Variants in COMMD1 observed in about 807,000 individuals in gnomAD.
The protein encoded by COMMD1 is copper metabolism domain containing 1.
In COMMD1, 10 loss-of-function variants were observed where a neutral mutation model predicts 17.2. That is an observed-to-expected ratio of 0.58 (90% confidence interval 0.36 to 0.99). The LOEUF (loss-of-function observed/expected upper bound fraction) is 0.99, where lower values mean the gene tolerates loss of function less well. Ranked by LOEUF, COMMD1 falls within the 50% of genes least tolerant of loss-of-function variation. COMMD1 has a pLI of 0.01. For missense variants in COMMD1, 270 were observed against 231.8 expected (o/e 1.17, Z -1.07); for synonymous variants, 97 against 91.6 (o/e 1.06, Z -0.34).
intron 1 of COMMD1, among the ~76,000 whole-genome samples, chr2:61,960,722 T>C (rs572338683): frequency 6.6e-6 from 1 of 152,346 alleles, no homozygotes; most frequent in East Asian, 1.9e-4. Flanking sequence ...TAGACCCTAA[T>C]TGCTCTGCAA....
At chr2:62,103,135 C>T (rs1347799825) in intron 2 of COMMD1, among the ~76,000 whole-genome samples, 3 of 152,120 alleles carry the variant, frequency 2.0e-5, no homozygotes, top group Non-Finnish European at 4.4e-5. Context: ...CCTGCAACCA[C>T]GCCTGGCTAA....
intron 1 of COMMD1, among the ~76,000 whole-genome samples, chr2:61,984,056 C>T (rs879271321): frequency 2.0e-5 from 3 of 152,206 alleles, no homozygotes; most frequent in Non-Finnish European, 4.4e-5. Flanking sequence ...CAGAGTCTCG[C>T]TCTGTCACCC....
intron 2 of COMMD1, among the ~76,000 whole-genome samples, chr2:62,135,420 G>A (rs1352449165): frequency 6.6e-6 from 1 of 150,838 alleles, no homozygotes; most frequent in African/African-American, 2.4e-5. Flanking sequence ...GCCCGATCTC[G>A]GCTCACTGCA....
intron 1 of COMMD1, among the ~76,000 whole-genome samples, chr2:61,933,299 C>A (rs567285934): frequency 2.0e-5 from 3 of 152,016 alleles, no homozygotes; most frequent in Middle Eastern, 3.4e-3. Flanking sequence ...CCGCTTGTAT[C>A]CCTGATGCTT....
At chr2:62,007,786 A>G (rs1166429304) in intron 2 of COMMD1, among the ~76,000 whole-genome samples, 1 of 152,196 alleles carries the variant, frequency 6.6e-6, no homozygotes, top group Non-Finnish European at 1.5e-5. Flanking sequence ...CATTTCTCAG[A>G]AGGTATCCTC....
intron 1 of COMMD1, among the ~76,000 whole-genome samples, chr2:61,920,425 T>G (rs1670159973): frequency 6.6e-6 from 1 of 152,096 alleles, no homozygotes; most frequent in African/African-American, 2.4e-5. Flanking sequence ...TTTTTTTTTT[T>G]TAAACTTTGT....
intron 1 of COMMD1, among the ~76,000 whole-genome samples, chr2:61,950,429 A>C (rs1671021443): frequency 6.6e-6 from 1 of 152,218 alleles, no homozygotes; most frequent in Non-Finnish European, 1.5e-5. Context: ...AGTGATGAGT[A>C]ATTCACTCAA....
At chr2:62,106,347 T>G (rs1672324114) in intron 2 of COMMD1, among the ~76,000 whole-genome samples, 1 of 152,266 alleles carries the variant, frequency 6.6e-6, no homozygotes, top group Non-Finnish European at 1.5e-5. Flanking sequence ...GTTTTTAACA[T>G]TCTCTGTGTT....
intron 2 of COMMD1, among the ~76,000 whole-genome samples, chr2:62,048,399 A>G (rs971948650): frequency 1.3e-5 from 2 of 151,994 alleles, no homozygotes; most frequent in Admixed American, 6.5e-5. Flanking sequence ...TGTGTTTGTC[A>G]GGATAGTCTT....
upstream of COMMD1, among the ~76,000 whole-genome samples, chr2:61,901,396 G>A (rs1214215802): frequency 6.6e-6 from 1 of 151,928 alleles, no homozygotes; most frequent in Admixed American, 6.6e-5. Context: ...GCCGAGGTGG[G>A]TGGATCACCT....
chr2:62,011,776 C>G (rs1669285570), intron 2 of COMMD1, among the ~76,000 whole-genome samples: 1 of 152,028 alleles, frequency 6.6e-6, no homozygotes, highest in Non-Finnish European at 1.5e-5. Flanking sequence ...GATGGAATGG[C>G]TATCTTTACC....
intron 2 of COMMD1, among the ~76,000 whole-genome samples, chr2:62,124,603 G>C (rs1047866365): frequency 6.6e-6 from 1 of 152,076 alleles, no homozygotes; most frequent in Non-Finnish European, 1.5e-5. Flanking sequence ...AGCCTGGAGT[G>C]TAGTGGTACC....
chr2:61,906,634 G>C (rs79712358), intron 1 of COMMD1, among the ~76,000 whole-genome samples: 1 of 151,478 alleles, frequency 6.6e-6, no homozygotes, highest in Non-Finnish European at 1.5e-5. Flanking sequence ...TTATAGGAAT[G>C]TAGTGTCAAT....
chr2:61,983,764 T>C lies in COMMD1; in HGVS notation c.181-16937T>C, dbSNP rs549870319. On this transcript the variant is annotated intron_variant, in intron 1 of 2. Transcript: ENST00000311832. ...TTGGCTAAAGGCTTGTCAATTTTGT[T>C]TATCTTTTCAAAAAACCAACTGCAT... Among the ~76,000 whole-genome samples, 2 of 152,256 alleles carry C rather than the reference T, an allele frequency of 1.3e-5. 1 individual carries two copies. The highest frequency in any genetic ancestry group is 4.1e-4 in the South Asian group (2 of 4,826).
chr2:61,901,423 G>C (rs759391341), upstream of COMMD1, among the ~76,000 whole-genome samples: 48 of 151,304 alleles, frequency 3.2e-4, no homozygotes, highest in Middle Eastern at 3.4e-3. Context: ...AGGAGTTCAA[G>C]ACCAGCCTGG....
At chr2:61,924,197 C>T (rs1305370843) in intron 1 of COMMD1, among the ~76,000 whole-genome samples, 1 of 152,146 alleles carries the variant, frequency 6.6e-6, no homozygotes, top group African/African-American at 2.4e-5. Flanking sequence ...TATGGAGCCA[C>T]CCACTCTTAC....
chr2:62,049,269 A>G (rs1670473035), intron 2 of COMMD1, among the ~76,000 whole-genome samples: 1 of 151,824 alleles, frequency 6.6e-6, no homozygotes, highest in Non-Finnish European at 1.5e-5. Context: ...AAATGTGTGT[A>G]TAATTTTAAA....
intron 2 of COMMD1, among the ~76,000 whole-genome samples, chr2:62,058,388 G>A (rs766593103): frequency 4.6e-5 from 7 of 151,922 alleles, no homozygotes; most frequent in African/African-American, 7.3e-5. Context: ...AATTTTCTTC[G>A]TTTTGTTTTG....
At chr2:61,901,459 C>T (rs1005399812), upstream of COMMD1, among the ~76,000 whole-genome samples, 3 of 151,760 alleles carry the variant, frequency 2.0e-5, no homozygotes, top group Admixed American at 1.3e-4. Flanking sequence ...CTTATCTCCA[C>T]TAAAAATACA....
Sources: gnomAD v4.1 joint callset for allele counts (sites outside exome capture counted in the v4.1 genomes callset) on GRCh38, gnomAD v4.1.1 for gene constraint, MANE v1.5 for transcripts, NCBI Gene and HGNC (gene_info 2026-07-23, HGNC 2026-07-21) for gene names.